The following MBP variants were observed in gnomAD, a reference collection of about 807,000 sequenced individuals.
MBP encodes the protein myelin basic protein.
MBP carries 16 observed loss-of-function variants against 35.8 expected under a neutral mutation model. The ratio of observed to expected loss-of-function variants is 0.45; its 90% CI spans 0.30 to 0.68. The LOEUF (loss-of-function observed/expected upper bound fraction) is 0.68, where lower values mean the gene tolerates loss of function less well. Among genes scored for constraint, MBP ranks in the 30% least tolerant of loss-of-function variants. MBP has a pLI of 0.08. For missense variants in MBP, 380 were observed against 404.7 expected, an observed-to-expected ratio of 0.94 and a Z score of 0.52; for synonymous variants, 143 against 159.6, an observed-to-expected ratio of 0.90 and a Z score of 0.78.
At chr18:77,009,909 C>T (rs775732100) in intron 4 of MBP, 30 of 1,589,504 alleles carry the variant, frequency 1.9e-5, no homozygotes, top group South Asian at 4.6e-5. Flanking sequence ...GGCTCCGGCC[C>T]GGCTTTAGCC....
chr18:77,131,687 C>T lies in MBP; in HGVS notation c.-26+893G>A, dbSNP rs1007643964. On this transcript the variant is annotated intron_variant, in intron 1 of 8. Coordinates refer to ENST00000355994, the MANE Select transcript of MBP (RefSeq NM_001025101.2). The surrounding 1 kb of genome is among the most constrained non-coding windows in gnomAD (Gnocchi z 5.5). ...GGGCTCAGGTGGACGCGAAAGGACA[C>T]AAGGCGCTGCCCCCAGCACCCCGGA... The T allele has an allele frequency of 6.6e-6, 1 of 151,926 alleles. No individual in the cohort carries two copies. The highest frequency in any genetic ancestry group is 2.4e-5 in the African/African-American group (1 of 41,302). 9.4% of individuals were successfully genotyped at this position (151,926 alleles called of 1,614,324 possible).
intron 4 of MBP, among the ~76,000 whole-genome samples, chr18:77,000,682 C>T (rs1032097348): frequency 2.0e-5 from 3 of 152,246 alleles, no homozygotes; most frequent in Non-Finnish European, 4.4e-5. Context: ...TGTTTCTCTC[C>T]AGAAATCAGG....
intron 4 of MBP, chr18:77,014,191 C>T: frequency 1.0e-6 from 1 of 985,464 alleles, no homozygotes; most frequent in South Asian, 4.7e-5. Context: ...ATGCACTTTT[C>T]TTGAATGTCA....
intron 4 of MBP, chr18:77,005,566 G>C (rs559104586): frequency 6.6e-6 from 1 of 152,406 alleles, no homozygotes; most frequent in South Asian, 2.1e-4. Flanking sequence ...TGAAGTTCTA[G>C]TCCAGCTGCC....
At position 77,105,291 on chromosome 18, in the gene MBP, A is replaced by G. The variant is rs548414519; in HGVS notation, c.-25-5T>C. 8 of 1,570,022 alleles carry G rather than the reference A, an allele frequency of 5.1e-6. No homozygotes were observed. In the African/African-American group the frequency reaches 8.1e-5, roughly 16 times the overall value. On this transcript the variant is annotated splice_polypyrimidine_tract_variant and splice_region_variant and intron_variant, in intron 1 of 8. Coordinates refer to ENST00000355994, the MANE Select transcript of MBP (RefSeq NM_001025101.2). ...AATGGATTGGCTCTTCAGAGGCTAA[A>G]AGAGAAAGAGAAAGTGTCAGCCCTA...
chr18:77,061,704 T>G (rs903947697), intron 3 of MBP, among the ~76,000 whole-genome samples: 5 of 152,204 alleles, frequency 3.3e-5, no homozygotes, highest in Admixed American at 3.3e-4. Flanking sequence ...CATCTAGACT[T>G]CTCAATTTTA....
In MBP at chr18:77,057,824, G is replaced by GT. The variant is rs780881071; in HGVS notation, c.139+8473dup. Reference sequence around the variant, plus strand: ...GGGACACCTGAGGAAGGCGGGGAGTGTTTTTTTTTTTTTTTTTTTTGAGAC... The same window carrying GT: ...GGGACACCTGAGGAAGGCGGGGAGTGTTTTTTTTTTTTTTTTTTTTTGAGAC... On this transcript the variant is annotated intron_variant, in intron 3 of 8. Transcript: ENST00000355994. 9.8e-4 allele frequency among the ~76,000 whole-genome samples: 9 copies of GT among 9,192 alleles called. 3 individuals are homozygous for GT. The Admixed American group carries it at 0.011, about 12-fold the overall frequency. The allele number at this position is 9,192 out of a possible 152,430, so 6.0% of individuals were successfully genotyped here. A position where few individuals can be genotyped will look rare whatever the true frequency, so the allele number is the denominator to read the frequency against.
chr18:77,002,450 TG>T (rs1260230434), intron 4 of MBP, among the ~76,000 whole-genome samples: 13 of 152,380 alleles, frequency 8.5e-5, no homozygotes, highest in African/African-American at 2.9e-4. Context: ...GATTTCCTTA[TG>T]GGCATTGTCT....
intron 4 of MBP, chr18:77,014,650 G>A (rs966881235): frequency 1.0e-6 from 1 of 985,444 alleles, no homozygotes; most frequent in Non-Finnish European, 1.2e-6. Flanking sequence ...GCCATTGCGG[G>A]TCTGTAGCTG....
intron 4 of MBP, among the ~76,000 whole-genome samples, chr18:76,993,904 G>A (rs1381565723): frequency 6.6e-6 from 1 of 152,236 alleles, no homozygotes; most frequent in Admixed American, 6.5e-5. Flanking sequence ...GAACATCGGA[G>A]TCCTAGTAGA....
At position 77,044,307 on chromosome 18, in the gene MBP, C is replaced by A. The variant is rs1973133742; in HGVS notation, c.139+21991G>T. On this transcript the variant is annotated intron_variant, in intron 3 of 8. Transcript: ENST00000355994. This position sits in a 1 kb window ranked among gnomAD's most constrained non-coding sequence, Gnocchi z 4.4. ...CTGCATGCCTGAGACGGGGTCCAAA[C>A]CCCTCTTCAACTGTCCTCCAAGCTT... is the stretch of plus-strand genomic sequence containing the variant. Among the ~76,000 whole-genome samples, 1 of 152,120 alleles carries A rather than the reference C, an allele frequency of 6.6e-6. No homozygotes were observed. The highest frequency in any genetic ancestry group is 1.5e-5 in the Non-Finnish European group (1 of 68,004).
chr18:77,062,965 C>T (rs1037077789), intron 3 of MBP, among the ~76,000 whole-genome samples: 16 of 152,284 alleles, frequency 1.1e-4, no homozygotes, highest in Non-Finnish European at 1.6e-4. Flanking sequence ...GTGGATGAAA[C>T]GGCTGCCAAG....
intron 3 of MBP, among the ~76,000 whole-genome samples, chr18:77,024,683 G>T (rs1460366474): frequency 6.6e-6 from 1 of 152,272 alleles, no homozygotes; most frequent in African/African-American, 2.4e-5. Context: ...GCCAGGGCCT[G>T]CAGTCGCCAG....
Position 76,980,309 on chromosome 18 carries a change from C to T in MBP, c.*118G>A, listed in dbSNP as rs555984052. ...CCTGACCCTACTACGTGCACAACTC[C>T]GCAGGCATTAGGGGAGGGGTCATCT... On this transcript the variant is annotated 3_prime_UTR_variant, in exon 9 of 9. Transcript: ENST00000355994. 26 of 951,724 alleles carry T rather than the reference C, an allele frequency of 2.7e-5. No individual in the cohort carries two copies. Among genetic ancestry groups the T allele is most frequent in the Non-Finnish European group, 3.6e-5 (21 of 576,144 alleles). The allele number at this position is 951,724 out of a possible 1,614,324, so 59.0% of individuals were successfully genotyped here. A position where few individuals can be genotyped will look rare whatever the true frequency, so the allele number is the denominator to read the frequency against.
chr18:76,987,139 A>ACC (rs1036653351), intron 7 of MBP: 1 of 985,196 alleles, frequency 1.0e-6, no homozygotes, highest in East Asian at 1.1e-4. Flanking sequence ...CCTGTGTGCA[A>ACC]CCCCCCATCG....
At chr18:76,983,275 T>G (rs1477900716) in intron 8 of MBP, 5 of 152,238 alleles carry the variant, frequency 3.3e-5, no homozygotes, top group African/African-American at 9.6e-5. Flanking sequence ...GCACGGTGTC[T>G]GCAAAATCAT....
chr18:76,997,443 G>T (rs930142389), intron 4 of MBP, among the ~76,000 whole-genome samples: 1 of 152,234 alleles, frequency 6.6e-6, no homozygotes, highest in Non-Finnish European at 1.5e-5. Flanking sequence ...CCAAGTCTTC[G>T]GTTCTAGAAT....
intron 2 of MBP, among the ~76,000 whole-genome samples, chr18:77,093,616 T>G (rs1187672848): frequency 2.6e-5 from 4 of 152,226 alleles, no homozygotes; most frequent in Non-Finnish European, 4.4e-5. Context: ...AGAGACTTCC[T>G]TCGTGAATCT....
intron 1 of MBP, among the ~76,000 whole-genome samples, chr18:77,106,722 C>T (rs1976291324): frequency 6.6e-6 from 1 of 152,206 alleles, no homozygotes; most frequent in African/African-American, 2.4e-5. Flanking sequence ...AATCAGGTGC[C>T]TTCCCCATGC....
Sources: gnomAD v4.1 joint callset for allele counts (sites outside exome capture counted in the v4.1 genomes callset) on GRCh38, gnomAD v4.1.1 for gene constraint, Gnocchi (gnomAD v3.1) non-coding constraint, MANE v1.5 for transcripts, NCBI Gene and HGNC (gene_info 2026-07-23, HGNC 2026-07-21) for gene names.